PLOD3: variants seen among roughly 807,000 people sequenced by gnomAD.
The protein encoded by PLOD3 is multifunctional procollagen lysine hydroxylase and glycosyltransferase LH3.
Under a neutral mutation model 96.9 loss-of-function variants are expected in PLOD3, and 73 were observed. That is an observed-to-expected ratio of 0.75 (90% CI 0.62 to 0.92). The LOEUF (loss-of-function observed/expected upper bound fraction) is 0.92. Ranked by LOEUF, PLOD3 falls within the 40% of genes least tolerant of loss-of-function variation. The pLI is 0.00. For synonymous variants in PLOD3, 454 were observed against 413.7 expected (o/e 1.10, Z -1.18); for missense variants, 1,004 against 1,004.3 (o/e 1.00, Z 0.00).
rs1216130928 is a variant in PLOD3 at position 101,208,976 on chromosome 7, A to G, written c.1684-19T>C. 6.4e-7 allele frequency: 1 copy of G among 1,555,368 alleles called. No homozygotes were observed. The highest frequency in any genetic ancestry group is 8.9e-7 in the Non-Finnish European group (1 of 1,126,676). ...GGCATGGCTGAGGATGGGGCGAGGG[A>G]GAACAGGGCTAGCTGACGCCGCAGA... On this transcript the variant is annotated intron_variant, in intron 15 of 18. Coordinates refer to ENST00000223127, the MANE Select transcript of PLOD3 (RefSeq NM_001084.5).
Position 101,216,295 on chromosome 7 carries a change from C to G in PLOD3, c.370G>C (p.Glu124Gln). 6.2e-7 allele frequency: 1 copy of G among 1,613,472 alleles called. No individual in the cohort carries two copies. ...YDVILAGSPTELLKKFVQSGS... is the reference protein window; with the variant it reads ...YDVILAGSPTQLLKKFVQSGS... ...CTCTGGACGAACTTCTTCAGCAGCT[C>G]TGTGGGGCTGCCGGCCAGAATCACG... Residue 124 changes from glutamate (E) to glutamine (Q), a missense_variant, in exon 4 of 19, where the codon GAG (glutamate) becomes CAG (glutamine). By Grantham distance (29) the Glu-to-Gln change is conservative. Transcript: ENST00000223127.
rs1045047857 is a variant in PLOD3, at chr7:101,215,922, C to A, written c.601G>T (p.Asp201Tyr). ...DQLFYTRLYLDPGLREKLSLN... is the reference protein window; with the variant it reads ...DQLFYTRLYLYPGLREKLSLN... ...GCCTTCCCTACCCTCAGTCCTGGGT[C>A]CAGGTAGAGCCGTGTGTAGAACAGC... Residue 201 changes from aspartate (D) to tyrosine (Y), a missense_variant, in exon 5 of 19, where the codon GAC (aspartate) becomes TAC (tyrosine). Around this residue, in one of 5 missense-constraint regions of PLOD3, gnomAD observed 690 missense variants for 650.2 expected, o/e 1.06. Transcript: ENST00000223127. 5.0e-6 allele frequency: 8 copies of A among 1,611,400 alleles called. No individual in the cohort carries two copies. The highest frequency in any genetic ancestry group is 6.8e-6 in the Non-Finnish European group (8 of 1,177,664).
In PLOD3 at chr7:101,217,276, G is replaced by A. The variant is rs370155010; in HGVS notation, c.-2C>T. The A allele has an allele frequency of 4.2e-4, 622 of 1,478,276 alleles. No individual in the cohort carries two copies. Among genetic ancestry groups the A allele is most frequent in the Middle Eastern group, 5.4e-4 (3 of 5,510 alleles). 91.6% of individuals were successfully genotyped at this position (1,478,276 alleles called of 1,614,324 possible). On this transcript the variant is annotated 5_prime_UTR_variant, in exon 1 of 19. Transcript: ENST00000223127. ...GGGTCCAGGCCCCGAGGAGGTCATG[G>A]TGGGGAGCGGGCCCAGACAGCACCC...
In PLOD3 at chr7:101,206,139, G is replaced by C. The variant is rs935329781; in HGVS notation, c.*142C>G. 3.9e-5 allele frequency: 35 copies of C among 908,744 alleles called. No homozygotes were observed. In the East Asian group the frequency reaches 8.4e-4, roughly 22 times the overall value. The allele number at this position is 908,744 out of a possible 1,614,324, so 56.3% of individuals were successfully genotyped here. A position where few individuals can be genotyped will look rare whatever the true frequency, so the allele number is the denominator to read the frequency against. On this transcript the variant is annotated 3_prime_UTR_variant, in exon 19 of 19. Coordinates refer to ENST00000223127, the MANE Select transcript of PLOD3 (RefSeq NM_001084.5). Reference sequence around the variant, plus strand: ...TGAGAGGGCCGTGTCTTGGGAGCAAGGTGACATATTCAGTTCAGGCACGCG... The same window carrying C: ...TGAGAGGGCCGTGTCTTGGGAGCAACGTGACATATTCAGTTCAGGCACGCG...
Position 101,207,575 on chromosome 7 carries a change from C to T in PLOD3, c.1935+3G>A, listed in dbSNP as rs866800280. On this transcript the variant is annotated splice_donor_region_variant and intron_variant, in intron 17 of 18. Coordinates refer to ENST00000223127, the MANE Select transcript of PLOD3 (RefSeq NM_001084.5). ...GGAGGCAGCTGGCAGGTGGGCAGCG[C>T]ACCTTGGTGTGGTAACCGGGAAACA... 1.2e-6 allele frequency: 2 copies of T among 1,613,704 alleles called. No homozygotes were observed. The highest frequency in any genetic ancestry group is 3.3e-4 in the Middle Eastern group (2 of 6,056).
rs1474637605 is a variant in PLOD3, at chr7:101,216,936, G to A, written c.110-150C>T. 3.4e-5 allele frequency: 26 copies of A among 760,124 alleles called. No homozygotes were observed. In the Admixed American group the frequency reaches 5.1e-4, roughly 15 times the overall value. 47.1% of individuals were successfully genotyped at this position (760,124 alleles called of 1,614,324 possible). On this transcript the variant is annotated intron_variant, in intron 1 of 18. Coordinates refer to ENST00000223127, the MANE Select transcript of PLOD3 (RefSeq NM_001084.5). ...CCAGGAACACTCTGACCCCAAGGAG[G>A]GCAGGGTGGGAGTGGTGCCCAGGAA...
At chr7:101,210,759 G>A (rs1798169215) in intron 12 of PLOD3, 86 bp from the exon 13 acceptor site, 5 of 1,489,012 alleles carry the variant, frequency 3.4e-6, no homozygotes, top group Non-Finnish European at 4.6e-6. Context: ...CTTCCCTCAG[G>A]GTATCCCAGT....
At position 101,217,301 on chromosome 7, in the gene PLOD3, C is replaced by G; in HGVS notation, c.-27G>C. 7.0e-7 allele frequency: 1 copy of G among 1,424,482 alleles called. No individual in the cohort carries two copies. The highest frequency in any genetic ancestry group is 9.2e-7 in the Non-Finnish European group (1 of 1,088,006). 88.2% of individuals were successfully genotyped at this position (1,424,482 alleles called of 1,614,324 possible). A position where few individuals can be genotyped will look rare whatever the true frequency, so the allele number is the denominator to read the frequency against. ...GTGGGGAGCGGGCCCAGACAGCACCCAGGATCCTGGGATCTCCGCTACGCG... is the reference window on the plus strand; with the variant it reads ...GTGGGGAGCGGGCCCAGACAGCACCGAGGATCCTGGGATCTCCGCTACGCG... On this transcript the variant is annotated 5_prime_UTR_variant, in exon 1 of 19. Coordinates refer to ENST00000223127, the MANE Select transcript of PLOD3 (RefSeq NM_001084.5).
intron 1 of PLOD3, 39 bp from the exon 2 acceptor site, chr7:101,216,825 C>T: frequency 7.3e-7 from 1 of 1,376,094 alleles, no homozygotes; most frequent in Non-Finnish European, 1.0e-6. Context: ...ATCCACCGCC[C>T]AGCTCCGGGC....
At chr7:101,206,744 G>A (rs1243001144) in intron 18 of PLOD3, 35 bp downstream of exon 18, 2 of 1,569,174 alleles carry the variant, frequency 1.3e-6, no homozygotes, top group South Asian at 2.3e-5. Context: ...GGGTCCTGAG[G>A]TGAAGCGTGG....
chr7:101,212,201 CCT>C (rs1416463532), intron 10 of PLOD3, 50 bp downstream of exon 10: 10 of 1,604,110 alleles, frequency 6.2e-6, no homozygotes, highest in Non-Finnish European at 8.5e-6. Context: ...TGGCAGCACC[CCT>C]GACCCTACAG....
In PLOD3 at chr7:101,216,481, C is replaced by T; in HGVS notation, c.267G>A (p.Lys89=). ...CCATTTCCTTCTTTAACCACCGGACCTTCTGTCCTCCACCAACTGTTCGAG... is the reference window on the plus strand; with the variant it reads ...CCATTTCCTTCTTTAACCACCGGACTTTCTGTCCTCCACCAACTGTTCGAG... ...DVARTVGGGQ[K]VRWLKKEMEK... The change falls in exon 3 of 19, where the codon AAG becomes AAA. Residue 89 remains lysine, a synonymous_variant. Transcript: ENST00000223127. 2 of 1,614,130 alleles carry T rather than the reference C, an allele frequency of 1.2e-6. No homozygotes were observed. The highest frequency in any genetic ancestry group is 2.2e-5 in the East Asian group (1 of 44,880).
chr7:101,206,410 G>C lies in PLOD3; in HGVS notation c.2088C>G (p.Tyr696Ter), dbSNP rs140519195. The C allele has an allele frequency of 6.2e-7, 1 of 1,612,634 alleles. No individual in the cohort carries two copies. The highest frequency in any genetic ancestry group is 1.1e-5 in the South Asian group (1 of 91,028). Reference sequence around the variant, plus strand: ...TCCTCGGGGAGGAGATCACACAGTCGTAGCGCAGGAAGCGGCAGCCACCTC... The same window carrying C: ...TCCTCGGGGAGGAGATCACACAGTCCTAGCGCAGGAAGCGGCAGCCACCTC... ...YEGGGCRFLR[Y>*]DCVISSPRKG... is the part of the protein sequence containing the mutation. The change falls in exon 19 of 19, where the codon TAC becomes TAG. Residue 696 changes from tyrosine to a stop codon, truncating the protein, a stop_gained. Coordinates refer to ENST00000223127, the MANE Select transcript of PLOD3 (RefSeq NM_001084.5). LOFTEE classifies it low-confidence loss of function (END_TRUNC).
intron 15 of PLOD3, among the ~76,000 whole-genome samples, chr7:101,209,521 G>A (rs1473207258): frequency 2.7e-5 from 4 of 150,612 alleles, no homozygotes; most frequent in Non-Finnish European, 5.9e-5. Flanking sequence ...GGGACTACAG[G>A]TGCACGCCAT....
chr7:101,211,628 A>G lies in PLOD3; in HGVS notation c.1321T>C (p.Ser441Pro). ...ALSPDEYYAR[S>P]EDYVELVQRK... Reference sequence around the variant, plus strand: ...TGCACCAGCTCCACGTAGTCCTCGGAGCGGGCGTAGTACTCATCGGGGCTC... The same window carrying G: ...TGCACCAGCTCCACGTAGTCCTCGGGGCGGGCGTAGTACTCATCGGGGCTC... Residue 441 changes from serine to proline, a missense_variant, in exon 12 of 19, where the codon TCC (serine) becomes CCC (proline). Coordinates refer to ENST00000223127, the MANE Select transcript of PLOD3 (RefSeq NM_001084.5). 1 of 1,606,228 alleles carries G rather than the reference A, an allele frequency of 6.2e-7. No homozygotes were observed. Among genetic ancestry groups the G allele is most frequent in the Non-Finnish European group, 8.5e-7 (1 of 1,177,186 alleles).
chr7:101,210,129 G>A lies in PLOD3; in HGVS notation c.1647C>T (p.Tyr549=), dbSNP rs760238103. ...TTCCTTCCCCTTCCAGGGCCCGGCT[G>A]TAGTTCTCGTGGATGTACTGCTCCT... is the stretch of plus-strand genomic sequence containing the variant. ...DWKEQYIHEN[Y]SRALEGEGIV... Residue 549 remains tyrosine (Y), a synonymous_variant, in exon 15 of 19, where the codon TAC becomes TAT. Coordinates refer to ENST00000223127, the MANE Select transcript of PLOD3 (RefSeq NM_001084.5). 5 of 1,607,370 alleles carry A rather than the reference G, an allele frequency of 3.1e-6. No homozygotes were observed. Among genetic ancestry groups the A allele is most frequent in the African/African-American group, 1.3e-5 (1 of 74,874 alleles).
intron 12 of PLOD3, chr7:101,211,363 T>C: frequency 1.9e-6 from 1 of 537,050 alleles, no homozygotes; most frequent in Admixed American, 3.2e-5. Context: ...AAGTTTTTTG[T>C]AGAGATAGGC....
At chr7:101,213,511 T>G (rs1158784625) in intron 6 of PLOD3, 10 of 340,626 alleles carry the variant, frequency 2.9e-5, no homozygotes, top group Non-Finnish European at 4.9e-5. Flanking sequence ...TCCTTGTTTT[T>G]TTTTTTTTTT....
chr7:101,207,761 GC>G, intron 16 of PLOD3, 37 bp from the exon 17 acceptor site: 1 of 1,612,214 alleles, frequency 6.2e-7, no homozygotes, highest in Non-Finnish European at 8.5e-7. Flanking sequence ...CGCCCCTCCA[GC>G]CATGGCGCTC....
Sources: allele counts gnomAD v4.1 joint callset (sites outside exome capture counted in the v4.1 genomes callset), GRCh38; gene constraint gnomAD v4.1.1; regional missense constraint gnomAD v4.1.1; transcripts MANE v1.5; gene names NCBI Gene and HGNC (gene_info 2026-07-23, HGNC 2026-07-21).